SUFU: variants seen among roughly 807,000 people sequenced by gnomAD.
The protein encoded by SUFU is SUFU negative regulator of hedgehog signaling, also known as suppressor of fused homolog.
SUFU carries 7 observed loss-of-function variants against 58.9 expected under a neutral mutation model. The ratio of observed to expected loss-of-function variants is 0.12; its 90% CI spans 0.07 to 0.22. SUFU has a LOEUF of 0.22. Ranked by LOEUF, SUFU falls within the 10% of genes least tolerant of loss-of-function variation. The probability of loss-of-function intolerance (pLI) is 1.00; values close to 1 mark genes in which losing one functional copy is unlikely to be tolerated. For synonymous variants in SUFU, 232 were observed against 254.8 expected, an observed-to-expected ratio of 0.91 and a Z score of 0.85; for missense variants, 451 against 641.3, an observed-to-expected ratio of 0.70 and a Z score of 3.20.
chr10:102,561,016 T>G (rs886612117), intron 3 of SUFU, among the ~76,000 whole-genome samples: 1 of 152,102 alleles, frequency 6.6e-6, no homozygotes, highest in African/African-American at 2.4e-5. Flanking sequence ...GCTAATTTTG[T>G]ATTTTTAGTA....
At position 102,617,190 on chromosome 10, in the gene SUFU, G is replaced by A. The variant is rs569229176; in HGVS notation, c.1158-100G>A. 39 of 1,549,926 alleles carry A rather than the reference G, an allele frequency of 2.5e-5. No homozygotes were observed. The highest frequency in any genetic ancestry group is 6.7e-5 in the East Asian group (3 of 44,470). Reference sequence around the variant, plus strand: ...CAGGAGGGCATGTTACCTGGCCCGCGGACCATAGTCCCCACTGTCCCAGAG... The same window carrying A: ...CAGGAGGGCATGTTACCTGGCCCGCAGACCATAGTCCCCACTGTCCCAGAG... On this transcript the variant is annotated intron_variant, in intron 9 of 11. Coordinates refer to ENST00000369902, the MANE Select transcript of SUFU (RefSeq NM_016169.4). This position sits in a 1 kb window ranked among gnomAD's most constrained non-coding sequence, Gnocchi z 4.4.
At chr10:102,562,525 A>AAAC (rs753014326) in intron 3 of SUFU, among the ~76,000 whole-genome samples, 102 of 151,736 alleles carry the variant, frequency 6.7e-4, no homozygotes, top group South Asian at 5.0e-3. Context: ...TCTGTCTCAA[A>AAAC]AACAACAACA....
At chr10:102,541,697 C>CTTTTTTTTT (rs869264798) in intron 2 of SUFU, among the ~76,000 whole-genome samples, 10 of 56,092 alleles carry the variant, frequency 1.8e-4, no homozygotes, top group East Asian at 5.6e-4. Flanking sequence ...CCGCGCCCGG[C>CTTTTTTTTT]TTTTTTTTTT....
In SUFU at chr10:102,633,148, A is replaced by G. The variant is rs1035344916; in HGVS notation, c.*2993A>G. On this transcript the variant is annotated 3_prime_UTR_variant, in exon 12 of 12. Coordinates refer to ENST00000369902, the MANE Select transcript of SUFU (RefSeq NM_016169.4). Reference sequence around the variant, plus strand: ...ACCAGTAGAGAATTTCCTTTACTGTATTTTTGTGTCTGGTCTTCCCTTTCT... The same window carrying G: ...ACCAGTAGAGAATTTCCTTTACTGTGTTTTTGTGTCTGGTCTTCCCTTTCT... 4 of 233,362 alleles carry G rather than the reference A, an allele frequency of 1.7e-5. No individual in the cohort carries two copies. The highest frequency in any genetic ancestry group is 1.7e-4 in the Admixed American group (3 of 17,794). 14.5% of individuals were successfully genotyped at this position (233,362 alleles called of 1,614,324 possible).
At chr10:102,550,152 C>T (rs1196246432) in intron 3 of SUFU, 46 bp downstream of exon 3, 4 of 1,613,378 alleles carry the variant, frequency 2.5e-6, no homozygotes, top group Non-Finnish European at 3.4e-6. Context: ...TTGCCATGAG[C>T]CTGGTTGACT....
At chr10:102,614,711 A>G (rs1466868997) in intron 8 of SUFU, among the ~76,000 whole-genome samples, 1 of 151,672 alleles carries the variant, frequency 6.6e-6, no homozygotes, top group Non-Finnish European at 1.5e-5. Context: ...CCCCGTCTCT[A>G]CTAAAAAGAC....
At chr10:102,557,013 T>G (rs762365287) in intron 3 of SUFU, among the ~76,000 whole-genome samples, 29 of 151,152 alleles carry the variant, frequency 1.9e-4, no homozygotes, top group Non-Finnish European at 3.8e-4. Context: ...GGAGAATCAC[T>G]TTGAACCTGG....
chr10:102,515,556 TCCAC>T (rs1472906641), intron 2 of SUFU, among the ~76,000 whole-genome samples: 1 of 152,142 alleles, frequency 6.6e-6, no homozygotes, highest in Admixed American at 6.5e-5. Context: ...CCTCAGGTGA[TCCAC>T]CCACCTCAGC....
At position 102,504,042 on chromosome 10, in the gene SUFU, G is replaced by GC; in HGVS notation, c.-106dup. On this transcript the variant is annotated 5_prime_UTR_variant, in exon 1 of 12. Coordinates refer to ENST00000369902, the MANE Select transcript of SUFU (RefSeq NM_016169.4). Reference sequence around the variant, plus strand: ...AGGCGCGGAGCTAGACCTCGCTGCAGCCCCCATCGCCTCGGGGAGTCTCAC... The same window carrying GC: ...AGGCGCGGAGCTAGACCTCGCTGCAGCCCCCCATCGCCTCGGGGAGTCTCAC... 7.2e-7 allele frequency: 1 copy of GC among 1,387,250 alleles called. No individual in the cohort carries two copies. Among genetic ancestry groups the GC allele is most frequent in the East Asian group, 2.6e-5 (1 of 38,992 alleles). The allele number at this position is 1,387,250 out of a possible 1,614,324, so 85.9% of individuals were successfully genotyped here.
chr10:102,623,947 TAAAAA>T (rs1257573607), intron 10 of SUFU, among the ~76,000 whole-genome samples: 1 of 151,600 alleles, frequency 6.6e-6, no homozygotes, highest in Non-Finnish European at 1.5e-5. Context: ...ATCTAAAAAA[TAAAAA>T]GAAAAGTCCA....
chr10:102,614,060 G>T (rs187089156), intron 8 of SUFU, among the ~76,000 whole-genome samples: 9 of 152,340 alleles, frequency 5.9e-5, no homozygotes, highest in Admixed American at 5.2e-4. Flanking sequence ...TAGATGAAGG[G>T]TGTGAATGTC....
rs2063834565 is a variant in SUFU at position 102,631,213 on chromosome 10, AT to A, written c.*1059del. 3 of 233,258 alleles carry A rather than the reference AT, an allele frequency of 1.3e-5. No homozygotes were observed. The East Asian group carries it at 1.8e-4, about 14-fold the overall frequency. The allele number at this position is 233,258 out of a possible 1,614,324, so 14.4% of individuals were successfully genotyped here. On this transcript the variant is annotated 3_prime_UTR_variant, in exon 12 of 12. Coordinates refer to ENST00000369902, the MANE Select transcript of SUFU (RefSeq NM_016169.4). ...AGGGCTGCCTTACTAAAATTGAAAAATCCACCTCTTAACATCTCTTTCACTT... is the reference window on the plus strand; with the variant it reads ...AGGGCTGCCTTACTAAAATTGAAAAACCACCTCTTAACATCTCTTTCACTT...
chr10:102,568,960 A>ATC (rs2063133826), intron 3 of SUFU, among the ~76,000 whole-genome samples: 4 of 109,584 alleles, frequency 3.7e-5, no homozygotes, highest in South Asian at 3.2e-4. Flanking sequence ...ATATATATAT[A>ATC]TATCTATAGC....
intron 10 of SUFU, among the ~76,000 whole-genome samples, chr10:102,622,410 G>A (rs542146569): frequency 1.3e-5 from 2 of 152,164 alleles, no homozygotes; most frequent in South Asian, 4.2e-4. Flanking sequence ...GGGAGTTCGA[G>A]ACCAGCCTGA....
intron 3 of SUFU, among the ~76,000 whole-genome samples, chr10:102,591,275 C>T (rs544173540): frequency 1.3e-5 from 2 of 152,092 alleles, no homozygotes; most frequent in African/African-American, 2.4e-5. Flanking sequence ...CCGAGGAGGG[C>T]GGATCACGAG....
At chr10:102,588,416 A>C (rs1158877453) in intron 3 of SUFU, among the ~76,000 whole-genome samples, 1 of 151,676 alleles carries the variant, frequency 6.6e-6, no homozygotes, top group Non-Finnish European at 1.5e-5. Context: ...AAAGAAAAGT[A>C]AATTAATGCC....
At chr10:102,570,314 T>A (rs980822846) in intron 3 of SUFU, among the ~76,000 whole-genome samples, 4 of 152,042 alleles carry the variant, frequency 2.6e-5, no homozygotes, top group Non-Finnish European at 5.9e-5. Flanking sequence ...CAATCTCGGC[T>A]CACTGCAACC....
chr10:102,511,876 A>G (rs1014894072), intron 2 of SUFU, among the ~76,000 whole-genome samples: 3 of 152,108 alleles, frequency 2.0e-5, no homozygotes, highest in Non-Finnish European at 2.9e-5. Context: ...ACACCTGGCT[A>G]ATTTTTCAAA....
At chr10:102,610,419 A>C (rs1285614797) in intron 8 of SUFU, among the ~76,000 whole-genome samples, 1 of 145,508 alleles carries the variant, frequency 6.9e-6, no homozygotes, top group Non-Finnish European at 1.5e-5. Flanking sequence ...AGAGAAAAGA[A>C]ATGCTTACCT....
Sources: gnomAD v4.1 joint callset for allele counts (sites outside exome capture counted in the v4.1 genomes callset) on GRCh38, gnomAD v4.1.1 for gene constraint, Gnocchi (gnomAD v3.1) non-coding constraint, MANE v1.5 for transcripts, NCBI Gene and HGNC (gene_info 2026-07-23, HGNC 2026-07-21) for gene names.